The following SORCS3 variants were observed in gnomAD, a reference collection of about 807,000 sequenced individuals.
SORCS3 encodes VPS10 domain-containing receptor SorCS3.
A neutral mutation model predicts 146.3 loss-of-function variants in SORCS3; 57 were observed. That is an observed-to-expected ratio of 0.39 (90% CI 0.31 to 0.49). SORCS3 has a LOEUF of 0.49. Among genes scored for constraint, SORCS3 ranks in the 20% least tolerant of loss-of-function variants. The pLI is 0.92. For missense variants in SORCS3, 1,341 were observed against 1,575.5 expected, an observed-to-expected ratio of 0.85 and a Z score of 2.52; for synonymous variants, 653 against 618.5, an observed-to-expected ratio of 1.06 and a Z score of -0.83.
At chr10:105,189,807 T>C (rs961794468) in intron 14 of SORCS3, among the ~76,000 whole-genome samples, 1 of 152,190 alleles carries the variant, frequency 6.6e-6, no homozygotes, top group Non-Finnish European at 1.5e-5. Context: ...CCTCCAGCAC[T>C]GAAACTTTAT....
rs559334342 is a variant in SORCS3 at position 105,001,592 on chromosome 10, G to A, written c.954+24099G>A. ...ATTGCAAAACTTATGCAAGGATGTGGGGTCAGGTTCAGCTTCATGCTTACC... is the reference window on the plus strand; with the variant it reads ...ATTGCAAAACTTATGCAAGGATGTGAGGTCAGGTTCAGCTTCATGCTTACC... On this transcript the variant is annotated intron_variant, in intron 4 of 26. Coordinates refer to ENST00000369701, the MANE Select transcript of SORCS3 (RefSeq NM_014978.3). 7.9e-5 allele frequency among the ~76,000 whole-genome samples: 12 copies of A among 152,294 alleles called. No individual in the cohort carries two copies. The South Asian group carries it at 1.9e-3, about 24-fold the overall frequency.
At chr10:105,111,678 A>G (rs1284713003) in intron 7 of SORCS3, among the ~76,000 whole-genome samples, 1 of 152,252 alleles carries the variant, frequency 6.6e-6, no homozygotes. Context: ...ATTTAAATGT[A>G]TTAAAATACA....
At position 105,147,790 on chromosome 10, in the gene SORCS3, G is replaced by A; in HGVS notation, c.1476G>A (p.Leu492=). 3.1e-6 allele frequency: 5 copies of A among 1,609,928 alleles called. No individual in the cohort carries two copies. Among genetic ancestry groups the A allele is most frequent in the South Asian group, 1.1e-5 (1 of 90,556 alleles). ...RGLMGNIIIE[L]YEVAGIKGIF... is the part of the protein sequence containing the mutation. ...TAATGGGGAACATCATTATTGAATT[G>A]TATGAGGTATGTAGCCAAAATTCTC... Residue 492 remains leucine (L), a synonymous_variant, in exon 9 of 27, where the codon TTG becomes TTA. Transcript: ENST00000369701.
At chr10:104,794,272 G>A (rs1435740088) in intron 1 of SORCS3, among the ~76,000 whole-genome samples, 2 of 152,136 alleles carry the variant, frequency 1.3e-5, no homozygotes, top group East Asian at 3.9e-4. Flanking sequence ...TATGGCATGT[G>A]TGTCACTCTT....
At chr10:105,229,328 T>A (rs925945636) in intron 20 of SORCS3, among the ~76,000 whole-genome samples, 1 of 152,160 alleles carries the variant, frequency 6.6e-6, no homozygotes, top group African/African-American at 2.4e-5. Context: ...TATTTTGAAT[T>A]CCTTTTCTTG....
intron 3 of SORCS3, among the ~76,000 whole-genome samples, chr10:104,965,064 A>G (rs970358216): frequency 3.3e-5 from 5 of 152,202 alleles, no homozygotes; most frequent in Non-Finnish European, 7.3e-5. Flanking sequence ...CTAAGGCGGA[A>G]TAATATTCCA....
intron 4 of SORCS3, among the ~76,000 whole-genome samples, chr10:105,004,403 G>C (rs1202728419): frequency 6.6e-6 from 1 of 152,100 alleles, no homozygotes; most frequent in Non-Finnish European, 1.5e-5. Flanking sequence ...TTTGAACCTG[G>C]GCCTGAAGGG....
At chr10:104,858,531 A>G (rs943830056) in intron 2 of SORCS3, among the ~76,000 whole-genome samples, 2 of 152,154 alleles carry the variant, frequency 1.3e-5, no homozygotes, top group East Asian at 1.9e-4. Context: ...TTGTTTTTCC[A>G]TGCATTTTAG....
chr10:105,138,636 A>G (rs1363051690), intron 7 of SORCS3, among the ~76,000 whole-genome samples: 1 of 152,226 alleles, frequency 6.6e-6, no homozygotes, highest in Admixed American at 6.5e-5. Flanking sequence ...CCATGTTGGC[A>G]GGGCTTTTCA....
chr10:105,040,111 A>G (rs2055329879), intron 4 of SORCS3, among the ~76,000 whole-genome samples: 1 of 152,196 alleles, frequency 6.6e-6, no homozygotes, highest in South Asian at 2.1e-4. Flanking sequence ...TCTGTCCCTC[A>G]GGTACCTGTC....
rs763361239 is a variant in SORCS3, at chr10:105,167,251, G to C, written c.1810-7G>C. 7.5e-6 allele frequency: 12 copies of C among 1,605,844 alleles called. No homozygotes were observed. Among genetic ancestry groups the C allele is most frequent in the Non-Finnish European group, 9.4e-6 (11 of 1,173,352 alleles). On this transcript the variant is annotated splice_polypyrimidine_tract_variant and splice_region_variant and intron_variant, in intron 12 of 26. Coordinates refer to ENST00000369701, the MANE Select transcript of SORCS3 (RefSeq NM_014978.3). ...TATGATTGTTGTTGTTGTTGTTGTTGTTCCAGATCTTTGATGAAGAGTACA... is the reference window on the plus strand; with the variant it reads ...TATGATTGTTGTTGTTGTTGTTGTTCTTCCAGATCTTTGATGAAGAGTACA...
intron 3 of SORCS3, among the ~76,000 whole-genome samples, chr10:104,952,667 A>G (rs1228543025): frequency 6.6e-6 from 1 of 152,158 alleles, no homozygotes; most frequent in East Asian, 1.9e-4. Flanking sequence ...TTCTGATAAA[A>G]GTCCACTTTT....
intron 7 of SORCS3, among the ~76,000 whole-genome samples, chr10:105,109,152 CA>C (rs1178748118): frequency 6.6e-6 from 1 of 152,148 alleles, no homozygotes; most frequent in Non-Finnish European, 1.5e-5. Context: ...GCAGCAATTA[CA>C]AAATCAGTGT....
intron 12 of SORCS3, among the ~76,000 whole-genome samples, 155 bp from the exon 13 acceptor site, chr10:105,167,103 T>A (rs1359406517): frequency 6.6e-6 from 1 of 152,188 alleles, no homozygotes; most frequent in East Asian, 1.9e-4. Flanking sequence ...TCCTCATCAA[T>A]CAAATGGAGA....
chr10:104,826,092 A>G (rs976490439), intron 1 of SORCS3, among the ~76,000 whole-genome samples: 5 of 151,886 alleles, frequency 3.3e-5, no homozygotes, highest in African/African-American at 1.2e-4. Flanking sequence ...TTGGGTGCTG[A>G]CTCCTGCCTC....
At chr10:105,050,690 G>T (rs187071648) in intron 5 of SORCS3, among the ~76,000 whole-genome samples, 2 of 152,080 alleles carry the variant, frequency 1.3e-5, no homozygotes, top group African/African-American at 4.8e-5. Context: ...GAGACAATAC[G>T]TATTTGTTGT....
chr10:104,966,668 A>G (rs1244832586), intron 3 of SORCS3, among the ~76,000 whole-genome samples: 1 of 152,304 alleles, frequency 6.6e-6, no homozygotes, highest in Non-Finnish European at 1.5e-5. Context: ...AGAATAGGCA[A>G]CTGAATAAAG....
chr10:105,223,372 G>C, intron 20 of SORCS3, 123 bp downstream of exon 20: 1 of 965,652 alleles, frequency 1.0e-6, no homozygotes, highest in Non-Finnish European at 1.4e-6. Context: ...ATAAACCTAT[G>C]AGCCCACAAA....
chr10:105,030,649 A>G (rs943523800), intron 4 of SORCS3, among the ~76,000 whole-genome samples: 1 of 151,590 alleles, frequency 6.6e-6, no homozygotes, highest in Non-Finnish European at 1.5e-5. Flanking sequence ...CTGGAGTGCA[A>G]TGGTGGGATC....
Sources: allele counts gnomAD v4.1 joint callset (sites outside exome capture counted in the v4.1 genomes callset), GRCh38; gene constraint gnomAD v4.1.1; transcripts MANE v1.5; gene names NCBI Gene and HGNC (gene_info 2026-07-23, HGNC 2026-07-21).